Variants in PITPNC1 observed in about 807,000 individuals in gnomAD.
PITPNC1 encodes cytoplasmic phosphatidylinositol transfer protein 1.
PITPNC1 carries 18 observed loss-of-function variants against 44.7 expected under a neutral mutation model. The ratio of observed to expected loss-of-function variants is 0.40; its 90% CI spans 0.28 to 0.60. The LOEUF (loss-of-function observed/expected upper bound fraction) is 0.60. Among genes scored for constraint, PITPNC1 ranks in the 20% least tolerant of loss-of-function variants. The probability of loss-of-function intolerance (pLI) is 0.39; values close to 1 mark genes in which losing one functional copy is unlikely to be tolerated. For missense variants in PITPNC1, 290 were observed against 418.4 expected (o/e 0.69, Z 2.68); for synonymous variants, 141 against 149.6 (o/e 0.94, Z 0.42).
intron 1 of PITPNC1, among the ~76,000 whole-genome samples, chr17:67,467,402 A>G (rs1019814180): frequency 2.6e-5 from 4 of 152,108 alleles, no homozygotes; most frequent in Non-Finnish European, 5.9e-5. Flanking sequence ...TACAAGGTTC[A>G]GGGAGGGTGG....
chr17:67,466,901 G>C (rs2039435979), intron 1 of PITPNC1, among the ~76,000 whole-genome samples: 2 of 152,088 alleles, frequency 1.3e-5, no homozygotes, highest in Non-Finnish European at 2.9e-5. Context: ...AAGCAATCTA[G>C]CTCCTTAAGA....
chr17:67,559,811 G>A (rs773062433), intron 4 of PITPNC1, among the ~76,000 whole-genome samples: 92 of 152,154 alleles, frequency 6.0e-4, no homozygotes, highest in Non-Finnish European at 1.1e-3. Context: ...GGAAGTGGAG[G>A]TTGCAGTGAG....
intron 5 of PITPNC1, among the ~76,000 whole-genome samples, chr17:67,603,943 A>T (rs77516802): frequency 2.6e-4 from 35 of 134,300 alleles, no homozygotes; most frequent in Admixed American, 1.5e-3. Context: ...TCATAGATTT[A>T]AAAAAAAAAA....
intron 1 of PITPNC1, among the ~76,000 whole-genome samples, chr17:67,378,794 C>T (rs975362395): frequency 4.6e-5 from 7 of 152,210 alleles, no homozygotes; most frequent in African/African-American, 1.4e-4. Flanking sequence ...TGTGTCCTTT[C>T]GCAAACCGCC....
chr17:67,623,823 A>G (rs1042476648), intron 5 of PITPNC1, among the ~76,000 whole-genome samples: 12 of 152,226 alleles, frequency 7.9e-5, no homozygotes, highest in African/African-American at 2.9e-4. Flanking sequence ...GATTCCCAAA[A>G]TTGTGGATTT....
At chr17:67,680,919 G>T (rs2042691949) in intron 8 of PITPNC1, among the ~76,000 whole-genome samples, 1 of 152,192 alleles carries the variant, frequency 6.6e-6, no homozygotes. Context: ...ATGTAAAAAT[G>T]ACTTCTGTTT....
chr17:67,447,805 G>A (rs2039120438), intron 1 of PITPNC1, among the ~76,000 whole-genome samples: 1 of 152,096 alleles, frequency 6.6e-6, no homozygotes, highest in African/African-American at 2.4e-5. Context: ...CTGCTTTGAA[G>A]GTGTTTATTT....
intron 1 of PITPNC1, among the ~76,000 whole-genome samples, chr17:67,479,977 A>G (rs1040999570): frequency 6.6e-6 from 1 of 152,270 alleles, no homozygotes; most frequent in Non-Finnish European, 1.5e-5. Context: ...TGAATTATTT[A>G]TTATTTCCAA....
At chr17:67,564,931 C>T (rs555749491) in intron 4 of PITPNC1, among the ~76,000 whole-genome samples, 4 of 152,054 alleles carry the variant, frequency 2.6e-5, no homozygotes, top group Admixed American at 6.5e-5. Context: ...CCATGTTTTT[C>T]GGTGGGTATA....
chr17:67,437,349 G>A (rs529462612), intron 1 of PITPNC1, among the ~76,000 whole-genome samples: 2 of 152,218 alleles, frequency 1.3e-5, no homozygotes, highest in South Asian at 4.2e-4. Context: ...GAGACACAGG[G>A]AGAAGATAGC....
rs1568052082 is a variant in PITPNC1, at chr17:67,583,897, T to TGTGTGTGTGTG, written c.366+5640_366+5641insGTGTGTGTGTG. Among the ~76,000 whole-genome samples the TGTGTGTGTGTG allele has an allele frequency of 2.6e-3, 277 of 106,412 alleles. 1 individual carries two copies. The highest frequency in any genetic ancestry group is 8.7e-3 in the African/African-American group (254 of 29,210). The allele number at this position is 106,412 out of a possible 152,430, so 69.8% of individuals were successfully genotyped here. ...TGTGTGTGTGTGTGTGTGTGTGTGT[T>TGTGTGTGTGTG]TGTGTGTGTGTGTGTTTGTGTTTAG... On this transcript the variant is annotated intron_variant, in intron 5 of 8. Coordinates refer to ENST00000581322, the MANE Select transcript of PITPNC1 (RefSeq NM_012417.4).
intron 1 of PITPNC1, among the ~76,000 whole-genome samples, chr17:67,423,924 A>C (rs1337498232): frequency 7.2e-5 from 11 of 151,998 alleles, no homozygotes. Flanking sequence ...TTTCAAGTAG[A>C]TTTCTTGCAG....
chr17:67,398,657 G>A (rs1476706179), intron 1 of PITPNC1, among the ~76,000 whole-genome samples: 1 of 152,098 alleles, frequency 6.6e-6, no homozygotes, highest in African/African-American at 2.4e-5. Context: ...GATCAGACCA[G>A]CAGCAGCGAC....
intron 1 of PITPNC1, among the ~76,000 whole-genome samples, chr17:67,527,499 T>C (rs2040405295): frequency 6.6e-6 from 1 of 150,826 alleles, no homozygotes; most frequent in Non-Finnish European, 1.5e-5. Context: ...GGTCAGGAGT[T>C]CGAGACCAGC....
intron 1 of PITPNC1, among the ~76,000 whole-genome samples, chr17:67,398,861 G>A (rs7224018): frequency 0.01 from 1,527 of 152,098 alleles, 23 homozygotes; most frequent in African/African-American, 0.034. Context: ...ACTTCAAAAC[G>A]ACAATGTTTT....
rs2037895785 is a variant in PITPNC1 at position 67,377,892 on chromosome 17, CCTGACTTT to C, written c.-262_-255del. 3 of 396,558 alleles carry C rather than the reference CCTGACTTT, an allele frequency of 7.6e-6. No individual in the cohort carries two copies. In the East Asian group the frequency reaches 1.2e-4, roughly 16 times the overall value. 24.6% of individuals were successfully genotyped at this position (396,558 alleles called of 1,614,324 possible). A position where few individuals can be genotyped will look rare whatever the true frequency, so the allele number is the denominator to read the frequency against. ...CCCAGCGGGTCTCCCTCCCTGCCTC[CCTGACTTT>C]GCAACACCGCGTTCCGGGAGGACCG... is the stretch of plus-strand genomic sequence containing the variant. On this transcript the variant is annotated 5_prime_UTR_variant, in exon 1 of 9. Coordinates refer to ENST00000581322, the MANE Select transcript of PITPNC1 (RefSeq NM_012417.4).
chr17:67,571,924 A>AG (rs1404789609), intron 4 of PITPNC1, among the ~76,000 whole-genome samples: 1 of 152,194 alleles, frequency 6.6e-6, no homozygotes, highest in African/African-American at 2.4e-5. Context: ...TCACACCCGA[A>AG]GGGAAGGATT....
rs1384142741 is a variant in PITPNC1, at chr17:67,632,136, T to C, written c.367-7T>C. ...CTAACCTTTGATATGTTGCTCTGCT[T>C]TTTCAGATTTTCGACAATGAAGCCA... On this transcript the variant is annotated splice_region_variant and splice_polypyrimidine_tract_variant and intron_variant, in intron 5 of 8. Transcript: ENST00000581322. 1 of 1,593,690 alleles carries C rather than the reference T, an allele frequency of 6.3e-7. No homozygotes were observed. The highest frequency in any genetic ancestry group is 1.3e-5 in the African/African-American group (1 of 74,468).
At chr17:67,685,659 G>T (rs2042801727) in intron 8 of PITPNC1, among the ~76,000 whole-genome samples, 1 of 152,194 alleles carries the variant, frequency 6.6e-6, no homozygotes, top group Non-Finnish European at 1.5e-5. Context: ...TGCCAAGAGA[G>T]TAACAGAGGA....
Sources: allele counts gnomAD v4.1 joint callset (sites outside exome capture counted in the v4.1 genomes callset), GRCh38; gene constraint gnomAD v4.1.1; transcripts MANE v1.5; gene names NCBI Gene and HGNC (gene_info 2026-07-23, HGNC 2026-07-21).